The following UBE2E2 variants were observed in gnomAD, a reference collection of about 807,000 sequenced individuals.
UBE2E2 encodes the protein ubiquitin-conjugating enzyme E2 E2.
UBE2E2 carries 6 observed loss-of-function variants against 24.7 expected under a neutral mutation model. That is an observed-to-expected ratio of 0.24 (90% CI 0.13 to 0.48). The LOEUF (loss-of-function observed/expected upper bound fraction) is 0.48, where lower values mean the gene tolerates loss of function less well. Ranked by LOEUF, UBE2E2 falls within the 20% of genes least tolerant of loss-of-function variation. The pLI, the probability that UBE2E2 is intolerant of heterozygous loss-of-function variation, is 0.99. For missense variants in UBE2E2, 169 were observed against 245.0 expected (o/e 0.69, Z 2.07); for synonymous variants, 104 against 83.6 (o/e 1.24, Z -1.33).
chr3:23,364,809 G>C (rs901577469), intron 3 of UBE2E2, among the ~76,000 whole-genome samples: 1 of 152,060 alleles, frequency 6.6e-6, no homozygotes, highest in Non-Finnish European at 1.5e-5. Flanking sequence ...ACCTGGCAGA[G>C]ACACAACAAA....
At chr3:23,470,816 A>G (rs1244688292) in intron 3 of UBE2E2, among the ~76,000 whole-genome samples, 2 of 84,182 alleles carry the variant, frequency 2.4e-5, no homozygotes, top group Non-Finnish European at 4.2e-5. Flanking sequence ...TTATAAAAAT[A>G]TATATATTTT....
intron 4 of UBE2E2, 58 bp downstream of exon 4, chr3:23,499,798 T>C (rs1292452818): frequency 6.4e-7 from 1 of 1,568,052 alleles, no homozygotes; most frequent in Non-Finnish European, 8.6e-7. Context: ...TAGATACATA[T>C]ACTTATTCTT....
Position 23,349,182 on chromosome 3 carries a change from T to C in UBE2E2, c.227+131870T>C, listed in dbSNP as rs1200709262. On this transcript the variant is annotated intron_variant, in intron 3 of 5. Transcript: ENST00000396703. ...TGGATGAAGTCAAAGCAAAACCTGA[T>C]GCTGAGAAGTGAAGCTCATGAAAAG... Among the ~76,000 whole-genome samples the C allele has an allele frequency of 2.6e-5, 4 of 152,278 alleles. No homozygotes were observed. In the East Asian group the frequency reaches 7.7e-4, roughly 29 times the overall value.
chr3:23,526,611 C>T (rs1443181840), intron 4 of UBE2E2, among the ~76,000 whole-genome samples: 1 of 152,110 alleles, frequency 6.6e-6, no homozygotes, highest in East Asian at 1.9e-4. Flanking sequence ...TGGCAGGACC[C>T]CCAAAGAGGA....
At chr3:23,430,438 A>G (rs774253777) in intron 3 of UBE2E2, among the ~76,000 whole-genome samples, 1 of 151,996 alleles carries the variant, frequency 6.6e-6, no homozygotes, top group Non-Finnish European at 1.5e-5. Flanking sequence ...GAGTTCATCC[A>G]TTAAAGTTTT....
At chr3:23,556,140 C>CTTTTTTTTTTT (rs71057604) in intron 5 of UBE2E2, among the ~76,000 whole-genome samples, 1 of 92,332 alleles carries the variant, frequency 1.1e-5, no homozygotes, top group African/African-American at 4.4e-5. Context: ...AATATACAAA[C>CTTTTTTTTTTT]TTTTTTTTTT....
chr3:23,286,124 T>C (rs1448525481), intron 3 of UBE2E2, among the ~76,000 whole-genome samples: 1 of 152,204 alleles, frequency 6.6e-6, no homozygotes, highest in East Asian at 1.9e-4. Flanking sequence ...ATTCTGTGGG[T>C]TGTCTCTTCA....
Position 23,332,671 on chromosome 3 carries a change from T to TGG in UBE2E2, c.227+115362_227+115363dup, listed in dbSNP as rs78884458. The stretch of plus-strand genomic sequence containing the variant: ...TAGCTTTGAGCTTCCTGGCAGCCAG[T>TGG]GGGGTGTGTGTGTGTGTGTGTGTGT... On this transcript the variant is annotated intron_variant, in intron 3 of 5. Transcript: ENST00000396703. 7.2e-4 allele frequency among the ~76,000 whole-genome samples: 57 copies of TGG among 79,206 alleles called. 1 individual carries two copies. Among genetic ancestry groups the TGG allele is most frequent in the East Asian group, 3.8e-3 (10 of 2,666 alleles). The allele number at this position is 79,206 out of a possible 152,430, so 52.0% of individuals were successfully genotyped here. A position where few individuals can be genotyped will look rare whatever the true frequency, so the allele number is the denominator to read the frequency against.
chr3:23,264,648 G>C (rs988328652), intron 3 of UBE2E2, among the ~76,000 whole-genome samples: 1 of 152,130 alleles, frequency 6.6e-6, no homozygotes, highest in Admixed American at 6.6e-5. Flanking sequence ...TGCATGGTTT[G>C]GTATGATTCA....
Position 23,496,159 on chromosome 3 carries a change from CT to C in UBE2E2, c.228-3441del, listed in dbSNP as rs200132414. On this transcript the variant is annotated intron_variant, in intron 3 of 5. Transcript: ENST00000396703. ...GACCTGTAAATTCATACAGTAGGAT[CT>C]TTTTTTTATTTATACAGTAGGATCA... Among the ~76,000 whole-genome samples the C allele has an allele frequency of 6.6e-4, 100 of 152,108 alleles. 3 individuals are homozygous for C. In the East Asian group the frequency reaches 0.015, roughly 23 times the overall value.
intron 3 of UBE2E2, among the ~76,000 whole-genome samples, chr3:23,252,763 C>T (rs1171311645): frequency 2.0e-5 from 3 of 152,242 alleles, no homozygotes; most frequent in Admixed American, 1.3e-4. Flanking sequence ...TCCCAAAGTG[C>T]TGGTATTACA....
chr3:23,531,383 T>C (rs1695119533), intron 4 of UBE2E2, among the ~76,000 whole-genome samples: 2 of 152,208 alleles, frequency 1.3e-5, no homozygotes, highest in South Asian at 4.1e-4. Flanking sequence ...ATCAATAATA[T>C]TCACATCTTA....
chr3:23,366,745 A>G (rs746967257), intron 3 of UBE2E2, among the ~76,000 whole-genome samples: 55 of 152,166 alleles, frequency 3.6e-4, no homozygotes, highest in Admixed American at 3.3e-4. Flanking sequence ...ACAAACCTGC[A>G]CGTGTACCTC....
intron 4 of UBE2E2, among the ~76,000 whole-genome samples, chr3:23,516,422 A>G (rs1331806451): frequency 6.6e-6 from 1 of 152,190 alleles, no homozygotes; most frequent in Non-Finnish European, 1.5e-5. Context: ...TTGGTATTAG[A>G]GAAGAAAAGC....
intron 3 of UBE2E2, among the ~76,000 whole-genome samples, chr3:23,469,549 A>G (rs1289752107): frequency 6.6e-6 from 1 of 152,192 alleles, no homozygotes; most frequent in Non-Finnish European, 1.5e-5. Flanking sequence ...CATTTTGCCC[A>G]GTAAGAACCT....
intron 3 of UBE2E2, among the ~76,000 whole-genome samples, chr3:23,328,902 T>C (rs2125298491): frequency 1.3e-5 from 2 of 152,284 alleles, no homozygotes; most frequent in South Asian, 4.1e-4. Context: ...CCTCAAATGA[T>C]CCGCCCACCT....
intron 3 of UBE2E2, among the ~76,000 whole-genome samples, chr3:23,253,108 T>C (rs1697619590): frequency 6.6e-6 from 1 of 152,006 alleles, no homozygotes; most frequent in African/African-American, 2.4e-5. Flanking sequence ...TAAAAGAAAA[T>C]AAAACTAGGA....
chr3:23,209,768 T>A (rs539969604), intron 2 of UBE2E2, among the ~76,000 whole-genome samples: 1 of 152,186 alleles, frequency 6.6e-6, no homozygotes, highest in Non-Finnish European at 1.5e-5. Flanking sequence ...TGTTTTCCTT[T>A]GGCTTAGTCA....
intron 4 of UBE2E2, among the ~76,000 whole-genome samples, chr3:23,504,908 C>CTTTATTTTTTTTTTTT (rs1694400616): frequency 1.5e-5 from 1 of 67,228 alleles, no homozygotes. Flanking sequence ...TTCAGACATT[C>CTTTATTTTTTTTTTTT]TTTCTTTTTT....
Sources: gnomAD v4.1 joint callset for allele counts (sites outside exome capture counted in the v4.1 genomes callset) on GRCh38, gnomAD v4.1.1 for gene constraint, MANE v1.5 for transcripts, NCBI Gene and HGNC (gene_info 2026-07-23, HGNC 2026-07-21) for gene names.